The following ADGRE2 variants were observed in gnomAD, a reference collection of about 807,000 sequenced individuals.
ADGRE2 encodes the protein adhesion G protein-coupled receptor E2.
In ADGRE2, 83 loss-of-function variants were observed where a neutral mutation model predicts 100.8. That is an observed-to-expected ratio of 0.82 (90% CI 0.69 to 0.99). ADGRE2 has a LOEUF of 0.99. ADGRE2 is among the 50% of genes least tolerant of loss of function. ADGRE2 has a pLI of 0.00. For missense variants in ADGRE2, 814 were observed against 1,035.7 expected (o/e 0.79, Z 2.94); for synonymous variants, 355 against 413.0 (o/e 0.86, Z 1.70).
At chr19:14,725,703 C>T in the ADGRE2 span, among the ~76,000 whole-genome samples, 5 of 152,230 alleles carry the variant, frequency 3.3e-5, no homozygotes, top group African/African-American at 4.8e-5. Context: ...TCCAAAATCT[C>T]CTTTGACTCC....
chr19:14,737,976 C>CAA (rs1313610745), intron 20 of ADGRE2, among the ~76,000 whole-genome samples: 40 of 102,328 alleles, frequency 3.9e-4, no homozygotes, highest in African/African-American at 1.2e-3. Flanking sequence ...AACTCCCTCT[C>CAA]AAAAAAAAAA....
chr19:14,775,011 ATT>A (rs143354703), intron 2 of ADGRE2, among the ~76,000 whole-genome samples: 1,688 of 149,230 alleles, frequency 0.011, 22 homozygotes, highest in African/African-American at 0.039. Flanking sequence ...TTTATTATTT[ATT>A]TTTTTTTGAG....
intron 14 of ADGRE2, among the ~76,000 whole-genome samples, chr19:14,753,244 C>T (rs2043359506): frequency 2.0e-5 from 3 of 151,852 alleles, no homozygotes; most frequent in Non-Finnish European, 2.9e-5. Context: ...AGAGAGTTGG[C>T]AGCTCTACAG....
At chr19:14,743,969 G>T (rs2074538) in intron 18 of ADGRE2, among the ~76,000 whole-genome samples, 185 bp from the exon 19 acceptor site, 47,932 of 152,060 alleles carry the variant, frequency 0.32, 8,074 homozygotes, top group Middle Eastern at 0.39. Context: ...GTTGGCCACG[G>T]TGGCTCATGC....
chr19:14,761,728 G>A (rs1301593190), intron 11 of ADGRE2, among the ~76,000 whole-genome samples: 2 of 152,056 alleles, frequency 1.3e-5, no homozygotes, highest in Non-Finnish European at 2.9e-5. Flanking sequence ...TGCCAACCAC[G>A]TATACAGTAA....
intron 11 of ADGRE2, among the ~76,000 whole-genome samples, chr19:14,762,256 T>TA (rs761146918): frequency 1.6e-3 from 208 of 130,260 alleles, no homozygotes; most frequent in Admixed American, 2.7e-3. Flanking sequence ...GATGGATGGA[T>TA]AAAAAAAAAA....
intron 11 of ADGRE2, among the ~76,000 whole-genome samples, chr19:14,761,585 T>C (rs2147349683): frequency 6.6e-6 from 1 of 151,760 alleles, no homozygotes; most frequent in East Asian, 1.9e-4. Flanking sequence ...AAGAGCAGCC[T>C]GTAAAATCGA....
chr19:14,777,235 C>T (rs941554993), intron 1 of ADGRE2, among the ~76,000 whole-genome samples: 14 of 152,218 alleles, frequency 9.2e-5, no homozygotes, highest in African/African-American at 3.4e-4. Context: ...GCTCTGGGCT[C>T]CCACTTTGGT....
At chr19:14,745,351 A>T (rs1281038602) in intron 18 of ADGRE2, among the ~76,000 whole-genome samples, 1 of 152,214 alleles carries the variant, frequency 6.6e-6, no homozygotes, top group Non-Finnish European at 1.5e-5. Context: ...TGTCATGATT[A>T]AGTCAGAGTA....
chr19:14,738,969 CTTT>C (rs68029679), intron 20 of ADGRE2, among the ~76,000 whole-genome samples: 21 of 104,908 alleles, frequency 2.0e-4, no homozygotes, highest in Non-Finnish European at 2.3e-4. Flanking sequence ...CTTTTCTTTT[CTTT>C]TTTTTTTTTT....
chr19:14,736,345 C>G, intron 20 of ADGRE2, 101 bp from the exon 21 acceptor site: 1 of 711,194 alleles, frequency 1.4e-6, no homozygotes, highest in Non-Finnish European at 2.4e-6. Flanking sequence ...CACTGTAACC[C>G]CCGCCTCCCA....
At chr19:14,774,164 C>A (rs921700648) in intron 3 of ADGRE2, 92 bp downstream of exon 3, 2 of 1,521,648 alleles carry the variant, frequency 1.3e-6, no homozygotes, top group Admixed American at 3.4e-5. Flanking sequence ...CGAGCCCTCT[C>A]TTTCCCTGGG....
chr19:14,759,815 ATTT>A (rs71333311), intron 11 of ADGRE2, among the ~76,000 whole-genome samples: 12 of 95,540 alleles, frequency 1.3e-4, no homozygotes, highest in African/African-American at 2.8e-4. Context: ...TATTAAGCAG[ATTT>A]TTTTTTTTTT....
rs533703840 is a variant in ADGRE2, at chr19:14,744,447, T to C, written c.2184-663A>G. Among the ~76,000 whole-genome samples, 23 of 152,124 alleles carry C rather than the reference T, an allele frequency of 1.5e-4. No individual in the cohort carries two copies. In the East Asian group the frequency reaches 4.3e-3, roughly 28 times the overall value. On this transcript the variant is annotated intron_variant, in intron 18 of 20. Coordinates refer to ENST00000315576, the MANE Select transcript of ADGRE2 (RefSeq NM_013447.4). ...CTGCTCAAACCCTGTAGAGGAATTA[T>C]TTTTATTTTTATTTATTTATTTTTT... is the stretch of plus-strand genomic sequence containing the variant.
At chr19:14,730,349 C>G (rs1329319157), downstream of ADGRE2, among the ~76,000 whole-genome samples, 1 of 152,120 alleles carries the variant, frequency 6.6e-6, no homozygotes, top group Non-Finnish European at 1.5e-5. Flanking sequence ...ACCACCGTGC[C>G]CGGCCACTGT....
intron 5 of ADGRE2, among the ~76,000 whole-genome samples, chr19:14,767,435 T>G (rs2044033037): frequency 6.6e-6 from 1 of 152,000 alleles, no homozygotes; most frequent in South Asian, 2.1e-4. Flanking sequence ...TAGACGGGGT[T>G]TCACCGTGTT....
intron 14 of ADGRE2, 61 bp from the exon 15 acceptor site, chr19:14,752,587 C>A: frequency 1.9e-6 from 3 of 1,549,258 alleles, no homozygotes; most frequent in Non-Finnish European, 2.6e-6. Context: ...AATGACCCCA[C>A]CACCATTTAA....
At chr19:14,742,982 A>G (rs2042974734) in intron 20 of ADGRE2, among the ~76,000 whole-genome samples, 1 of 150,778 alleles carries the variant, frequency 6.6e-6, no homozygotes, top group African/African-American at 2.4e-5. Flanking sequence ...CCTGGGCTGG[A>G]GTGCAGTGGC....
intron 2 of ADGRE2, among the ~76,000 whole-genome samples, chr19:14,774,611 C>A (rs555093533): frequency 1.3e-5 from 2 of 150,246 alleles, no homozygotes; most frequent in Non-Finnish European, 1.5e-5. Flanking sequence ...TAGGCTCAAG[C>A]GATCCCCCTG....
Sources: allele counts gnomAD v4.1 joint callset (sites outside exome capture counted in the v4.1 genomes callset), GRCh38; gene constraint gnomAD v4.1.1; transcripts MANE v1.5; gene names NCBI Gene and HGNC (gene_info 2026-07-23, HGNC 2026-07-21).